CCBE1: variants seen among roughly 807,000 people sequenced by gnomAD.
CCBE1 encodes the protein collagen and calcium binding EGF domains 1.
Under a neutral mutation model 50.0 loss-of-function variants are expected in CCBE1, and 37 were observed. The ratio of observed to expected loss-of-function variants is 0.74; its 90% confidence interval spans 0.57 to 0.97. The LOEUF (loss-of-function observed/expected upper bound fraction) is 0.97, where lower values mean the gene tolerates loss of function less well. Among genes scored for constraint, CCBE1 ranks in the 50% least tolerant of loss-of-function variants. The pLI is 0.00. For missense variants in CCBE1, 538 were observed against 523.8 expected, an observed-to-expected ratio of 1.03 and a Z score of -0.26; for synonymous variants, 234 against 203.7, an observed-to-expected ratio of 1.15 and a Z score of -1.27.
intron 2 of CCBE1, among the ~76,000 whole-genome samples, chr18:59,676,484 G>A (rs1472622536): frequency 1.3e-5 from 2 of 151,878 alleles, no homozygotes; most frequent in East Asian, 3.9e-4. Context: ...ATATATAACT[G>A]CCTTATATAT....
At chr18:59,655,252 G>A (rs1165068456) in intron 2 of CCBE1, among the ~76,000 whole-genome samples, 1 of 152,162 alleles carries the variant, frequency 6.6e-6, no homozygotes, top group Non-Finnish European at 1.5e-5. Context: ...GATAATGTTG[G>A]TTTGTGACTG....
intron 2 of CCBE1, among the ~76,000 whole-genome samples, chr18:59,664,706 A>C (rs554495430): frequency 3.9e-4 from 60 of 152,210 alleles, no homozygotes; most frequent in Non-Finnish European, 8.1e-4. Context: ...GCAACATGAG[A>C]GTCAGAAGGA....
intron 2 of CCBE1, among the ~76,000 whole-genome samples, chr18:59,619,155 GCCA>G (rs1487483135): frequency 6.6e-6 from 1 of 152,130 alleles, no homozygotes; most frequent in African/African-American, 2.4e-5. Context: ...TAAAAATGAT[GCCA>G]CCATTATATA....
intron 2 of CCBE1, among the ~76,000 whole-genome samples, chr18:59,543,990 G>T (rs920181400): frequency 2.6e-5 from 4 of 152,176 alleles, no homozygotes; most frequent in African/African-American, 9.7e-5. Context: ...TATTCTGGAA[G>T]CAGGGGTTTA....
At chr18:59,633,149 C>T (rs902300436) in intron 2 of CCBE1, among the ~76,000 whole-genome samples, 3 of 152,188 alleles carry the variant, frequency 2.0e-5, no homozygotes, top group Non-Finnish European at 4.4e-5. Flanking sequence ...GTAAAATCAG[C>T]TGTGGTGATG....
intron 2 of CCBE1, among the ~76,000 whole-genome samples, chr18:59,588,004 C>T (rs2053202541): frequency 6.6e-6 from 1 of 152,098 alleles, no homozygotes. Context: ...GAAATCGGAT[C>T]CTGATAATGA....
In CCBE1 at chr18:59,468,851, T is replaced by TCCC. The variant is rs1555680741; in HGVS notation, c.400+619_400+621dup. ...GAAAAGGCCAGGTTTTTTTTTTTTT[T>TCCC]CCCCAAACGAGGACCCCAGATGTTT... On this transcript the variant is annotated intron_variant, in intron 4 of 10. Coordinates refer to ENST00000439986, the MANE Select transcript of CCBE1 (RefSeq NM_133459.4). Among the ~76,000 whole-genome samples the TCCC allele has an allele frequency of 2.5e-3, 377 of 149,414 alleles. 2 individuals carry two copies. The highest frequency in any genetic ancestry group is 3.3e-3 in the Non-Finnish European group (225 of 67,518).
chr18:59,611,199 G>A (rs1271111391), intron 2 of CCBE1, among the ~76,000 whole-genome samples: 1 of 152,190 alleles, frequency 6.6e-6, no homozygotes, highest in Non-Finnish European at 1.5e-5. Context: ...TCTTCCCTTC[G>A]TAATTTATTA....
intron 2 of CCBE1, among the ~76,000 whole-genome samples, chr18:59,515,306 G>C (rs1036092091): frequency 6.6e-6 from 1 of 152,212 alleles, no homozygotes; most frequent in East Asian, 1.9e-4. Context: ...TAAACACAAT[G>C]AGTCTTAAAA....
chr18:59,508,795 C>A (rs997659444), intron 2 of CCBE1, among the ~76,000 whole-genome samples: 3 of 144,988 alleles, frequency 2.1e-5, no homozygotes, highest in African/African-American at 7.8e-5. Flanking sequence ...TGGCTCACTG[C>A]AGCCTCGACC....
At chr18:59,569,627 C>A (rs189365437) in intron 2 of CCBE1, among the ~76,000 whole-genome samples, 1 of 131,050 alleles carries the variant, frequency 7.6e-6, no homozygotes. Flanking sequence ...CATCTCCCCC[C>A]GCCCTTTTAA....
rs553104578 is a variant in CCBE1, at chr18:59,595,325, G to A, written c.212+101304C>T. Among the ~76,000 whole-genome samples, 39 of 151,868 alleles carry A rather than the reference G, an allele frequency of 2.6e-4. 1 individual carries two copies. The highest frequency in any genetic ancestry group is 1.8e-3 in the Admixed American group (27 of 15,258). On this transcript the variant is annotated intron_variant, in intron 2 of 10. Transcript: ENST00000439986. The stretch of plus-strand genomic sequence containing the variant: ...CCTCTGTGGGTCCCAGTGTCGGACA[G>A]ATCAGATTTTGATCCCACCTCTGGC...
intron 6 of CCBE1, among the ~76,000 whole-genome samples, chr18:59,448,343 G>T (rs1438954259): frequency 6.6e-6 from 1 of 152,186 alleles, no homozygotes; most frequent in Non-Finnish European, 1.5e-5. Context: ...ATAAGCTCCA[G>T]ATGGCCTAGA....
chr18:59,488,217 G>A (rs549472491), intron 2 of CCBE1, among the ~76,000 whole-genome samples: 5 of 152,202 alleles, frequency 3.3e-5, no homozygotes, highest in Non-Finnish European at 7.3e-5. Context: ...ACTGGGTAAC[G>A]GATACAGAGT....
At chr18:59,649,326 G>A (rs1000071646) in intron 2 of CCBE1, among the ~76,000 whole-genome samples, 1 of 152,216 alleles carries the variant, frequency 6.6e-6, no homozygotes, top group African/African-American at 2.4e-5. Flanking sequence ...CACTGTGCAT[G>A]TCAAACATCC....
intron 6 of CCBE1, among the ~76,000 whole-genome samples, chr18:59,451,773 A>C (rs1186239895): frequency 6.6e-6 from 1 of 152,214 alleles, no homozygotes; most frequent in Admixed American, 6.5e-5. Flanking sequence ...CCTGTGTAAC[A>C]AACCCGCCCA....
chr18:59,655,074 T>C (rs7228418), intron 2 of CCBE1, among the ~76,000 whole-genome samples: 72,551 of 138,036 alleles, frequency 0.53, 19,041 homozygotes, highest in East Asian at 0.56. Context: ...GCGACACCAC[T>C]GAGACTATGT....
chr18:59,616,988 GC>G (rs1200123107), intron 2 of CCBE1, among the ~76,000 whole-genome samples: 1 of 152,148 alleles, frequency 6.6e-6, no homozygotes, highest in Non-Finnish European at 1.5e-5. Flanking sequence ...CCGACTCTCA[GC>G]CTTTGCCATA....
intron 10 of CCBE1, 28 bp from the exon 11 acceptor site, chr18:59,436,169 G>C: frequency 1.2e-6 from 2 of 1,602,942 alleles, no homozygotes; most frequent in Non-Finnish European, 8.5e-7. Context: ...ATCAAAGCTA[G>C]AATACGACAG....
Sources: allele counts gnomAD v4.1 joint callset (sites outside exome capture counted in the v4.1 genomes callset), GRCh38; gene constraint gnomAD v4.1.1; transcripts MANE v1.5; gene names NCBI Gene and HGNC (gene_info 2026-07-23, HGNC 2026-07-21).